The following ROR1 variants were observed in gnomAD, a reference collection of about 807,000 sequenced individuals.
ROR1 encodes ROR family WNT receptor 1.
ROR1 carries 19 observed loss-of-function variants against 78.8 expected under a neutral mutation model. The ratio of observed to expected loss-of-function variants is 0.24; its 90% CI spans 0.17 to 0.35. ROR1 has a LOEUF of 0.35. Ranked by LOEUF, ROR1 falls within the 10% of genes least tolerant of loss-of-function variation. The probability of loss-of-function intolerance (pLI) is 1.00; values close to 1 mark genes in which losing one functional copy is unlikely to be tolerated. For synonymous variants in ROR1, 386 were observed against 433.6 expected, an observed-to-expected ratio of 0.89 and a Z score of 1.36; for missense variants, 917 against 1,177.8, an observed-to-expected ratio of 0.78 and a Z score of 3.24.
chr1:64,032,344 A>AAAAAAAAAAAAAAAAAAAAG (rs1646668470), intron 2 of ROR1, among the ~76,000 whole-genome samples: 1 of 150,828 alleles, frequency 6.6e-6, no homozygotes, highest in Non-Finnish European at 1.5e-5. Flanking sequence ...CCGTCTCAAA[A>AAAAAAAAAAAAAAAAAAAAG]AAAAAAAAAA....
chr1:63,907,440 C>T (rs1390906104), intron 1 of ROR1, among the ~76,000 whole-genome samples: 1 of 152,174 alleles, frequency 6.6e-6, no homozygotes, highest in East Asian at 1.9e-4. Context: ...GTGTTCAGTG[C>T]TTGCCAGGCA....
At chr1:63,999,959 C>G (rs1434198965) in intron 1 of ROR1, among the ~76,000 whole-genome samples, 1 of 152,114 alleles carries the variant, frequency 6.6e-6, no homozygotes, top group Non-Finnish European at 1.5e-5. Context: ...TTCCTTGTGT[C>G]TCTTGTTTCT....
At chr1:64,022,161 AT>A (rs570223342) in intron 2 of ROR1, among the ~76,000 whole-genome samples, 5 of 152,334 alleles carry the variant, frequency 3.3e-5, no homozygotes, top group African/African-American at 1.2e-4. Flanking sequence ...CACGTGTATG[AT>A]TTCATTCATG....
At chr1:64,061,862 A>G (rs766617086) in intron 4 of ROR1, among the ~76,000 whole-genome samples, 4 of 152,114 alleles carry the variant, frequency 2.6e-5, no homozygotes, top group Non-Finnish European at 4.4e-5. Flanking sequence ...TTATAGTAAG[A>G]TCTTTTCATT....
At chr1:63,955,539 T>C (rs1031832336) in intron 1 of ROR1, among the ~76,000 whole-genome samples, 1 of 152,202 alleles carries the variant, frequency 6.6e-6, no homozygotes, top group African/African-American at 2.4e-5. Flanking sequence ...AAAATAATGA[T>C]TTTGAGCTGA....
At chr1:64,072,112 A>T (rs191489031) in intron 4 of ROR1, among the ~76,000 whole-genome samples, 1 of 152,320 alleles carries the variant, frequency 6.6e-6, no homozygotes, top group Non-Finnish European at 1.5e-5. Context: ...GAGCCGAGAA[A>T]CTTCTGAGGT....
intron 1 of ROR1, among the ~76,000 whole-genome samples, chr1:63,922,428 C>A (rs953460142): frequency 6.6e-6 from 1 of 152,154 alleles, no homozygotes; most frequent in Admixed American, 6.6e-5. Context: ...ATAAAGTTAG[C>A]AACCTCTGGT....
intron 1 of ROR1, among the ~76,000 whole-genome samples, chr1:63,906,859 T>C (rs1645533538): frequency 6.6e-6 from 1 of 151,732 alleles, no homozygotes; most frequent in African/African-American, 2.4e-5. Context: ...TTTATTCTTA[T>C]TTTTTTGTCA....
intron 4 of ROR1, among the ~76,000 whole-genome samples, chr1:64,063,433 T>C (rs1169045978): frequency 6.6e-6 from 1 of 152,224 alleles, no homozygotes; most frequent in Non-Finnish European, 1.5e-5. Context: ...CAGTGAATCA[T>C]AATGTGGGAT....
intron 4 of ROR1, among the ~76,000 whole-genome samples, chr1:64,128,285 T>C (rs1348063309): frequency 1.2e-5 from 1 of 80,844 alleles, no homozygotes; most frequent in Non-Finnish European, 2.5e-5. Context: ...CAAGACCCTG[T>C]CTCTACAAAA....
chr1:63,863,922 A>G (rs533440280), intron 1 of ROR1, among the ~76,000 whole-genome samples: 1 of 152,242 alleles, frequency 6.6e-6, no homozygotes, highest in Non-Finnish European at 1.5e-5. Context: ...ATTAACTACT[A>G]TTCTCGGCCT....
At chr1:63,952,827 T>A (rs1645951528) in intron 1 of ROR1, among the ~76,000 whole-genome samples, 1 of 152,070 alleles carries the variant, frequency 6.6e-6, no homozygotes, top group Admixed American at 6.6e-5. Flanking sequence ...GTCTTAGAGC[T>A]AGCAAGCAAA....
chr1:64,015,478 G>T (rs1646513511), intron 2 of ROR1, among the ~76,000 whole-genome samples: 1 of 152,116 alleles, frequency 6.6e-6, no homozygotes, highest in Admixed American at 6.6e-5. Flanking sequence ...GCTCAGGAGT[G>T]GTTTGCTCCC....
In ROR1 at chr1:63,939,418, T is replaced by G. The variant is rs1007755974; in HGVS notation, c.92-69887T>G. Among the ~76,000 whole-genome samples the G allele has an allele frequency of 1.7e-4, 26 of 152,246 alleles. 1 individual carries two copies. The highest frequency in any genetic ancestry group is 1.0e-3 in the Admixed American group (16 of 15,294). On this transcript the variant is annotated intron_variant, in intron 1 of 8. Coordinates refer to ENST00000371079, the MANE Select transcript of ROR1 (RefSeq NM_005012.4). ...TGCCAGGTATATAGCCCCTAAGAAG[T>G]AAAAATTTTGCTTATTTTCCTGAAA...
chr1:63,905,882 T>G (rs936361080), intron 1 of ROR1, among the ~76,000 whole-genome samples: 1 of 152,224 alleles, frequency 6.6e-6, no homozygotes, highest in Non-Finnish European at 1.5e-5. Context: ...TAACAGGAAT[T>G]TTTAGTTACT....
intron 1 of ROR1, among the ~76,000 whole-genome samples, chr1:63,908,121 C>T (rs1645542546): frequency 6.6e-6 from 1 of 152,138 alleles, no homozygotes; most frequent in African/African-American, 2.4e-5. Context: ...CTGTTATCAC[C>T]CCCAATTCAC....
At chr1:64,085,689 C>G (rs907433720) in intron 4 of ROR1, among the ~76,000 whole-genome samples, 3 of 152,120 alleles carry the variant, frequency 2.0e-5, no homozygotes, top group Non-Finnish European at 4.4e-5. Flanking sequence ...GGAGGTGGCC[C>G]TTGCAAAGAC....
chr1:64,052,064 G>A (rs1266980601), intron 4 of ROR1, among the ~76,000 whole-genome samples: 1 of 152,194 alleles, frequency 6.6e-6, no homozygotes, highest in Non-Finnish European at 1.5e-5. Context: ...AACTGTAAAA[G>A]AGTCTTTAAA....
chr1:63,793,911 G>C (rs7528186), intron 1 of ROR1, among the ~76,000 whole-genome samples: 3,425 of 152,298 alleles, frequency 0.022, 138 homozygotes, highest in African/African-American at 0.078. Context: ...CCTGGGGACT[G>C]TGGCTAATCT....
Sources: gnomAD v4.1 joint callset for allele counts (sites outside exome capture counted in the v4.1 genomes callset) on GRCh38, gnomAD v4.1.1 for gene constraint, MANE v1.5 for transcripts, NCBI Gene and HGNC (gene_info 2026-07-23, HGNC 2026-07-21) for gene names.